Variants in CTIF observed in about 807,000 individuals in gnomAD.
The protein encoded by CTIF is CBP80/20-dependent translation initiation factor.
In CTIF, 21 loss-of-function variants were observed where a neutral mutation model predicts 66.0. The ratio of observed to expected loss-of-function variants is 0.32; its 90% CI spans 0.23 to 0.46. CTIF has a LOEUF of 0.46. CTIF is among the 20% of genes least tolerant of loss of function. The pLI is 1.00. For missense variants in CTIF, 739 were observed against 812.7 expected (o/e 0.91, Z 1.10); for synonymous variants, 345 against 326.4 (o/e 1.06, Z -0.62).
At chr18:48,602,838 GATGGATGGATGA>G (rs1369848386) in intron 1 of CTIF, among the ~76,000 whole-genome samples, 27 of 148,420 alleles carry the variant, frequency 1.8e-4, no homozygotes, top group East Asian at 7.8e-4. Flanking sequence ...TGAATGGATG[GATGGATGGATGA>G]ATGGATGGAT....
intron 1 of CTIF, among the ~76,000 whole-genome samples, chr18:48,546,112 G>C (rs943531906): frequency 6.6e-6 from 1 of 152,308 alleles, no homozygotes; most frequent in Admixed American, 6.5e-5. Flanking sequence ...TTTTGTTGGG[G>C]AGAGAAGATA....
intron 1 of CTIF, chr18:48,566,026 C>T (rs2089272929): frequency 6.6e-6 from 1 of 152,190 alleles, no homozygotes; most frequent in Non-Finnish European, 1.5e-5. Context: ...GCACAGCACC[C>T]TTCACTCAGG....
Position 48,761,684 on chromosome 18 carries a change from C to T in CTIF, c.1366C>T (p.Leu456=), listed in dbSNP as rs1343601505. The T allele has an allele frequency of 1.2e-6, 2 of 1,605,270 alleles. No homozygotes were observed. Among genetic ancestry groups the T allele is most frequent in the African/African-American group, 2.7e-5 (2 of 74,794 alleles). Reference sequence around the variant, plus strand: ...GTTCCGGAGCCTGCTCCTCAACATGCTGCAGGTAACTGGACGCCGGCCACC... The same window carrying T: ...GTTCCGGAGCCTGCTCCTCAACATGTTGCAGGTAACTGGACGCCGGCCACC... ...TKFRSLLLNM[L]QKDFTVREEL... The change falls in exon 9 of 12, where the codon CTG becomes TTG. Residue 456 remains leucine (L), a synonymous_variant. Coordinates refer to ENST00000256413, the MANE Select transcript of CTIF (RefSeq NM_014772.3). This position sits in a 1 kb window ranked among gnomAD's most constrained non-coding sequence, Gnocchi z 4.2.
intron 2 of CTIF, among the ~76,000 whole-genome samples, chr18:48,620,432 A>T (rs2090473236): frequency 6.6e-6 from 1 of 152,212 alleles, no homozygotes; most frequent in South Asian, 2.1e-4. Flanking sequence ...CCTATCAAGC[A>T]TATCTTTGCC....
At chr18:48,579,807 G>A (rs2089613986) in intron 1 of CTIF, among the ~76,000 whole-genome samples, 1 of 152,074 alleles carries the variant, frequency 6.6e-6, no homozygotes, top group South Asian at 2.1e-4. Context: ...GAGCTGCATG[G>A]GATCAAAAAA....
chr18:48,836,427 G>A (rs1054717883), intron 10 of CTIF, among the ~76,000 whole-genome samples: 1 of 152,078 alleles, frequency 6.6e-6, no homozygotes, highest in Admixed American at 6.5e-5. Context: ...GCATCTAGGG[G>A]ACCCCTCCAC....
At chr18:48,618,362 G>T (rs1046017752) in intron 1 of CTIF, among the ~76,000 whole-genome samples, 1 of 152,178 alleles carries the variant, frequency 6.6e-6, no homozygotes, top group Non-Finnish European at 1.5e-5. Flanking sequence ...TCTTCTCTGT[G>T]CTTTCTTGTG....
At chr18:48,579,613 C>G (rs183426648) in intron 1 of CTIF, among the ~76,000 whole-genome samples, 20 of 152,338 alleles carry the variant, frequency 1.3e-4, no homozygotes, top group Admixed American at 1.2e-3. Context: ...CATCTGCTAG[C>G]CTGCCTCAAA....
chr18:48,583,489 A>C (rs1478460373), intron 1 of CTIF, among the ~76,000 whole-genome samples: 1 of 152,156 alleles, frequency 6.6e-6, no homozygotes, highest in Non-Finnish European at 1.5e-5. Context: ...GACTATTTTT[A>C]GAGGGCGCCG....
chr18:48,823,448 C>T (rs2068523288), intron 10 of CTIF, among the ~76,000 whole-genome samples: 1 of 152,106 alleles, frequency 6.6e-6, no homozygotes, highest in Non-Finnish European at 1.5e-5. Context: ...TTCTTGGCAC[C>T]TTTGTTGAAG....
intron 10 of CTIF, chr18:48,825,919 T>C (rs1375968081): frequency 6.6e-6 from 1 of 152,214 alleles, no homozygotes; most frequent in Non-Finnish European, 1.5e-5. Context: ...GATTCTAATG[T>C]CCGGCCAAGG....
At chr18:48,820,035 G>A (rs989864810) in intron 10 of CTIF, among the ~76,000 whole-genome samples, 2 of 152,196 alleles carry the variant, frequency 1.3e-5, no homozygotes, top group Admixed American at 1.3e-4. Context: ...CTAGGCTGAT[G>A]GGGCCTAGGG....
intron 5 of CTIF, 190 bp from the exon 6 acceptor site, chr18:48,670,479 G>T: frequency 4.4e-6 from 2 of 451,424 alleles, no homozygotes; most frequent in South Asian, 2.2e-5. Context: ...GTTGCATTAC[G>T]GGAGGACCCC....
intron 7 of CTIF, among the ~76,000 whole-genome samples, chr18:48,726,190 T>C (rs9964706): frequency 0.28 from 42,778 of 151,972 alleles, 6,754 homozygotes; most frequent in African/African-American, 0.42. Context: ...GGTTTATGTT[T>C]ATAGTTGTGG....
At chr18:48,550,188 T>C (rs901395885) in intron 1 of CTIF, among the ~76,000 whole-genome samples, 2 of 152,192 alleles carry the variant, frequency 1.3e-5, no homozygotes, top group African/African-American at 4.8e-5. Flanking sequence ...GCTCCTCCAC[T>C]TTCCCGACAC....
intron 2 of CTIF, among the ~76,000 whole-genome samples, chr18:48,626,054 T>G (rs1045296257): frequency 6.8e-6 from 1 of 147,920 alleles, no homozygotes; most frequent in Non-Finnish European, 1.5e-5. Flanking sequence ...AAGGCTGTAG[T>G]GTAGTGGCGC....
chr18:48,572,460 G>A (rs1365062292), intron 1 of CTIF, among the ~76,000 whole-genome samples: 1 of 152,148 alleles, frequency 6.6e-6, no homozygotes, highest in Non-Finnish European at 1.5e-5. Flanking sequence ...GTAAAGATGA[G>A]TCCTCTCTTT....
At chr18:48,550,624 C>T (rs1014338396) in intron 1 of CTIF, among the ~76,000 whole-genome samples, 6 of 152,184 alleles carry the variant, frequency 3.9e-5, no homozygotes, top group Non-Finnish European at 8.8e-5. Context: ...TCCTCCTCCC[C>T]CTCTTCCCAC....
intron 1 of CTIF, among the ~76,000 whole-genome samples, chr18:48,551,994 G>A (rs545359037): frequency 1.3e-5 from 2 of 152,226 alleles, no homozygotes; most frequent in Admixed American, 6.5e-5. Context: ...AGTAGAGACG[G>A]GGTTTCACTG....
Sources: gnomAD v4.1 joint callset for allele counts (sites outside exome capture counted in the v4.1 genomes callset) on GRCh38, gnomAD v4.1.1 for gene constraint, Gnocchi (gnomAD v3.1) non-coding constraint, MANE v1.5 for transcripts, NCBI Gene and HGNC (gene_info 2026-07-23, HGNC 2026-07-21) for gene names.